PCDH15: variants seen among roughly 807,000 people sequenced by gnomAD.
PCDH15 encodes protocadherin related 15, also known as protocadherin-15.
In PCDH15, 129 loss-of-function variants were observed where a neutral mutation model predicts 178.5. The ratio of observed to expected loss-of-function variants is 0.72; its 90% confidence interval spans 0.63 to 0.84. PCDH15 has a LOEUF of 0.84. PCDH15 is among the 40% of genes least tolerant of loss of function. PCDH15 has a pLI of 0.00. For synonymous variants in PCDH15, 800 were observed against 732.0 expected (o/e 1.09, Z -1.50); for missense variants, 2,230 against 2,099.9 (o/e 1.06, Z -1.21).
intron 1 of PCDH15, among the ~76,000 whole-genome samples, chr10:54,776,969 TTTC>T (rs2133344339): frequency 6.6e-6 from 1 of 152,266 alleles, no homozygotes; most frequent in African/African-American, 2.4e-5. Flanking sequence ...AAAGAAATGT[TTTC>T]TTTTATTATG....
In PCDH15 at chr10:54,153,137, C is replaced by A; in HGVS notation, c.1747G>T (p.Val583Phe). The A allele has an allele frequency of 6.2e-7, 1 of 1,613,908 alleles. No homozygotes were observed. The highest frequency in any genetic ancestry group is 8.5e-7 in the Non-Finnish European group (1 of 1,179,872). ...GGAGGAGCATTATCCGCTGCTTGGA[C>A]CGTGAGTGCGTAAGTCCGCCCGACT... ...MIVGRTYALTVQAADNAPPAE... is the reference protein window; with the variant it reads ...MIVGRTYALTFQAADNAPPAE... The change falls in exon 14 of 38, where the codon GTC becomes TTC. Residue 583 changes from valine to phenylalanine, a missense_variant. By Grantham distance (50) the Val-to-Phe change is conservative. Coordinates refer to ENST00000644397, the MANE Select transcript of PCDH15 (RefSeq NM_001384140.1).
chr10:54,567,612 T>G (rs2133489142), intron 2 of PCDH15, among the ~76,000 whole-genome samples: 1 of 152,270 alleles, frequency 6.6e-6, no homozygotes, highest in African/African-American at 2.4e-5. Flanking sequence ...TAGCATAACC[T>G]TTTGAATCGA....
chr10:55,469,927 A>G (rs576341422), intron 2 of PCDH15, among the ~76,000 whole-genome samples: 50 of 152,264 alleles, frequency 3.3e-4, no homozygotes, highest in African/African-American at 1.2e-3. Flanking sequence ...GTATGTATTC[A>G]TCTTTCCTCC....
intron 8 of PCDH15, among the ~76,000 whole-genome samples, chr10:54,264,048 G>A (rs931697107): frequency 6.6e-6 from 1 of 152,072 alleles, no homozygotes; most frequent in Non-Finnish European, 1.5e-5. Context: ...TTTGCCAGGG[G>A]CTCTCAGGCC....
rs1329583537 is a variant in PCDH15, at chr10:54,195,818, A to T, written c.1170T>A (p.Asn390Lys). Residue 390 changes from asparagine (N) to lysine (K), a missense_variant, in exon 11 of 38, where the codon AAT (asparagine) becomes AAA (lysine). Transcript: ENST00000644397. ...TGGGCATTGTAAAATATGGACTTTG[A>T]TTGTTTTCATCCAGTATTTCAATGT... ...GLHIEILDEN[N>K]QSPYFTMPSY... 1 of 1,613,914 alleles carries T rather than the reference A, an allele frequency of 6.2e-7. No homozygotes were observed. Among genetic ancestry groups the T allele is most frequent in the East Asian group, 2.2e-5 (1 of 44,864 alleles).
At chr10:55,241,458 C>T (rs564123506) in intron 1 of PCDH15, among the ~76,000 whole-genome samples, 42 of 152,192 alleles carry the variant, frequency 2.8e-4, no homozygotes, top group Admixed American at 2.3e-3. Context: ...CTCACTCTGT[C>T]GCCCATGCTG....
chr10:55,166,022 G>T (rs1238560842), intron 2 of PCDH15, among the ~76,000 whole-genome samples: 1 of 151,772 alleles, frequency 6.6e-6, no homozygotes, highest in East Asian at 1.9e-4. Flanking sequence ...TTTCTATTTT[G>T]TTGCTCCAAT....
intron 1 of PCDH15, among the ~76,000 whole-genome samples, chr10:54,688,798 A>G (rs1056893986): frequency 6.6e-6 from 1 of 152,158 alleles, no homozygotes. Context: ...TTCAATAAGT[A>G]AAATTCATGA....
At chr10:54,301,123 A>C (rs1483560537) in intron 8 of PCDH15, among the ~76,000 whole-genome samples, 1 of 152,192 alleles carries the variant, frequency 6.6e-6, no homozygotes, top group Non-Finnish European at 1.5e-5. Context: ...CAGACAGACC[A>C]TCTTTAAGAG....
At chr10:53,964,699 C>T (rs900204962) in intron 21 of PCDH15, among the ~76,000 whole-genome samples, 1 of 151,916 alleles carries the variant, frequency 6.6e-6, no homozygotes, top group Non-Finnish European at 1.5e-5. Flanking sequence ...TTATATAAAC[C>T]ACTGATTTCA....
chr10:54,422,569 T>C (rs1488522811), intron 3 of PCDH15, among the ~76,000 whole-genome samples: 1 of 152,122 alleles, frequency 6.6e-6, no homozygotes, highest in East Asian at 1.9e-4. Context: ...GAGGGGGCCA[T>C]AGGATGTTTA....
rs145625393 is a variant in PCDH15 at position 55,193,256 on chromosome 10, A to G, written c.-155-26605T>C. Among the ~76,000 whole-genome samples the G allele has an allele frequency of 6.4e-3, 968 of 152,060 alleles. 17 individuals are homozygous for G. The highest frequency in any genetic ancestry group is 0.02 in the South Asian group (97 of 4,824). ...TATAGCAAGCACCAATTAAAGAAGA[A>G]CAGAATATAATCTAGAAAAGCAATT... On this transcript the variant is annotated intron_variant, in intron 1 of 5. Coordinates refer to the PCDH15 transcript ENST00000458638.
intron 14 of PCDH15, among the ~76,000 whole-genome samples, chr10:54,143,901 T>G: frequency 6.6e-6 from 1 of 152,100 alleles, no homozygotes; most frequent in East Asian, 1.9e-4. Flanking sequence ...TTGGAGGAAG[T>G]GGTTATTTTC....
At chr10:54,776,453 T>C (rs60252994) in intron 1 of PCDH15, among the ~76,000 whole-genome samples, 6,349 of 151,924 alleles carry the variant, frequency 0.042, 463 homozygotes, top group African/African-American at 0.15. Flanking sequence ...AAAAAAAGAT[T>C]CCAAGCAGTT....
At chr10:54,619,683 A>C (rs1194648448) in intron 2 of PCDH15, among the ~76,000 whole-genome samples, 1 of 152,038 alleles carries the variant, frequency 6.6e-6, no homozygotes, top group Non-Finnish European at 1.5e-5. Flanking sequence ...CCTAGCTTCC[A>C]CCATTACTGC....
At chr10:55,266,294 TTAGA>T (rs1483124733) in intron 1 of PCDH15, among the ~76,000 whole-genome samples, 1 of 152,040 alleles carries the variant, frequency 6.6e-6, no homozygotes, top group Non-Finnish European at 1.5e-5. Flanking sequence ...CTAGAAACCC[TTAGA>T]TAGACCCCTG....
intron 2 of PCDH15, among the ~76,000 whole-genome samples, chr10:55,007,988 A>G (rs1839971782): frequency 6.6e-6 from 1 of 152,208 alleles, no homozygotes; most frequent in Non-Finnish European, 1.5e-5. Flanking sequence ...TTTCAAAGGA[A>G]ATATCCATTA....
chr10:53,912,035 T>C (rs1275307128), intron 25 of PCDH15, among the ~76,000 whole-genome samples: 1 of 152,102 alleles, frequency 6.6e-6, no homozygotes, highest in Non-Finnish European at 1.5e-5. Context: ...AACATCGATG[T>C]GAAAATCTTC....
chr10:55,380,429 A>G (rs1296388516), intron 2 of PCDH15, among the ~76,000 whole-genome samples: 1 of 152,192 alleles, frequency 6.6e-6, no homozygotes, highest in Non-Finnish European at 1.5e-5. Flanking sequence ...GAGTAAAGAA[A>G]TAATAGCTTT....
Sources: allele counts gnomAD v4.1 joint callset (sites outside exome capture counted in the v4.1 genomes callset), GRCh38; gene constraint gnomAD v4.1.1; transcripts MANE v1.5; gene names NCBI Gene and HGNC (gene_info 2026-07-23, HGNC 2026-07-21).